Variants in PEX14 observed in about 807,000 individuals in gnomAD.
PEX14 encodes the protein peroxisomal membrane protein PEX14.
In PEX14, 15 loss-of-function variants were observed where a neutral mutation model predicts 49.5. The ratio of observed to expected loss-of-function variants is 0.30; its 90% CI spans 0.20 to 0.47. The LOEUF is 0.47. PEX14 is among the 20% of genes least tolerant of loss of function. The pLI is 1.00. For synonymous variants in PEX14, 210 were observed against 212.7 expected, an observed-to-expected ratio of 0.99 and a Z score of 0.11; for missense variants, 398 against 494.8, an observed-to-expected ratio of 0.80 and a Z score of 1.86.
chr1:10,575,744 A>G (rs1640100863), intron 3 of PEX14, among the ~76,000 whole-genome samples: 1 of 152,216 alleles, frequency 6.6e-6, no homozygotes, highest in Admixed American at 6.5e-5. Flanking sequence ...GGAATTAGAA[A>G]AAAAATGGTG....
At chr1:10,585,722 C>G (rs1179375416) in intron 3 of PEX14, among the ~76,000 whole-genome samples, 1 of 152,198 alleles carries the variant, frequency 6.6e-6, no homozygotes, top group Non-Finnish European at 1.5e-5. Flanking sequence ...GAGTTCAAGA[C>G]CAGCCTGGCC....
At chr1:10,571,046 G>A (rs1163124411) in intron 3 of PEX14, among the ~76,000 whole-genome samples, 1 of 139,902 alleles carries the variant, frequency 7.1e-6, no homozygotes, top group African/African-American at 2.8e-5. Context: ...TTGTAGAGAC[G>A]GGATTTTGCC....
At chr1:10,560,814 T>G (rs1317244923) in intron 3 of PEX14, among the ~76,000 whole-genome samples, 10 of 148,184 alleles carry the variant, frequency 6.7e-5, no homozygotes, top group Non-Finnish European at 8.9e-5. Context: ...GCCTCCCAGG[T>G]TCAAGCAATT....
chr1:10,541,614 G>A (rs1367329533), intron 3 of PEX14, among the ~76,000 whole-genome samples: 1 of 152,208 alleles, frequency 6.6e-6, no homozygotes, highest in Non-Finnish European at 1.5e-5. Flanking sequence ...TGTTGTGAAC[G>A]GACCGTCTTC....
chr1:10,623,271 C>A lies in PEX14; in HGVS notation c.487+150C>A. 1.5e-6 allele frequency: 1 copy of A among 665,924 alleles called. No homozygotes were observed. The highest frequency in any genetic ancestry group is 2.8e-6 in the Non-Finnish European group (1 of 360,504). 41.3% of individuals were successfully genotyped at this position (665,924 alleles called of 1,614,324 possible). A position where few individuals can be genotyped will look rare whatever the true frequency, so the allele number is the denominator to read the frequency against. ...TGTTCACATTTGCAAATGAAGCCGCCGTCATTTCGGTTTAATTTGAAATTG... is the reference window on the plus strand; with the variant it reads ...TGTTCACATTTGCAAATGAAGCCGCAGTCATTTCGGTTTAATTTGAAATTG... On this transcript the variant is annotated intron_variant, in intron 6 of 8. Transcript: ENST00000356607. The surrounding 1 kb of genome is among the most constrained non-coding windows in gnomAD (Gnocchi z 4.4).
At chr1:10,583,497 C>G (rs887105568) in intron 3 of PEX14, among the ~76,000 whole-genome samples, 1 of 150,858 alleles carries the variant, frequency 6.6e-6, no homozygotes, top group Non-Finnish European at 1.5e-5. Flanking sequence ...GCTGAGATTA[C>G]AGGTATTAGC....
intron 3 of PEX14, among the ~76,000 whole-genome samples, chr1:10,591,674 T>C (rs1640672281): frequency 6.6e-6 from 1 of 151,622 alleles, no homozygotes; most frequent in Admixed American, 6.6e-5. Flanking sequence ...TGTGTGTGTG[T>C]GTGGACTTCT....
At chr1:10,587,444 C>CAAATAAAT (rs997618826) in intron 3 of PEX14, among the ~76,000 whole-genome samples, 2 of 151,710 alleles carry the variant, frequency 1.3e-5, no homozygotes, top group African/African-American at 4.9e-5. Context: ...GATTCTGTCT[C>CAAATAAAT]AAATAAATAA....
chr1:10,567,687 G>T (rs534532697), intron 3 of PEX14, among the ~76,000 whole-genome samples: 1 of 152,206 alleles, frequency 6.6e-6, no homozygotes, highest in East Asian at 1.9e-4. Context: ...TAGAGACGGG[G>T]TTTCGCCATG....
intron 5 of PEX14, among the ~76,000 whole-genome samples, chr1:10,622,729 T>A (rs1291615355): frequency 6.6e-6 from 1 of 152,196 alleles, no homozygotes; most frequent in African/African-American, 2.4e-5. Flanking sequence ...TAGTGTAGCA[T>A]CACTAAGAAA....
At chr1:10,538,715 A>T (rs1638912106) in intron 3 of PEX14, among the ~76,000 whole-genome samples, 1 of 152,250 alleles carries the variant, frequency 6.6e-6, no homozygotes. Context: ...GAGGGTGAAC[A>T]TCTACTGGGT....
intron 3 of PEX14, among the ~76,000 whole-genome samples, chr1:10,536,803 A>G (rs971071191): frequency 6.6e-6 from 1 of 152,252 alleles, no homozygotes; most frequent in Non-Finnish European, 1.5e-5. Flanking sequence ...GTATTTCTGT[A>G]AACAGGGATA....
chr1:10,572,686 C>A (rs904325542), intron 3 of PEX14, among the ~76,000 whole-genome samples: 8 of 151,964 alleles, frequency 5.3e-5, no homozygotes, highest in Non-Finnish European at 8.8e-5. Context: ...AGGCGCCCCC[C>A]CCACCACGCC....
intron 3 of PEX14, among the ~76,000 whole-genome samples, chr1:10,574,500 C>T (rs1419667039): frequency 2.0e-5 from 3 of 152,174 alleles, no homozygotes; most frequent in African/African-American, 7.2e-5. Flanking sequence ...CCATGTATAT[C>T]ATCTCAGCTT....
intron 2 of PEX14, among the ~76,000 whole-genome samples, chr1:10,500,472 T>A (rs1415014797): frequency 6.6e-6 from 1 of 151,336 alleles, no homozygotes; most frequent in African/African-American, 2.4e-5. Context: ...CCTGGCACAG[T>A]CTCCTCAGCA....
intron 1 of PEX14, among the ~76,000 whole-genome samples, chr1:10,485,533 G>A (rs587916): frequency 0.75 from 112,604 of 150,798 alleles, 42,591 homozygotes; most frequent in African/African-American, 0.86. Context: ...TGCGCAGGCT[G>A]GTCTTGAACT....
intron 4 of PEX14, among the ~76,000 whole-genome samples, chr1:10,601,814 T>A (rs550712688): frequency 6.6e-6 from 1 of 152,346 alleles, no homozygotes; most frequent in East Asian, 1.9e-4. Flanking sequence ...CTCCACACTT[T>A]TTCTTTAGTT....
At chr1:10,485,429 G>A (rs1042423963) in intron 1 of PEX14, among the ~76,000 whole-genome samples, 1 of 148,558 alleles carries the variant, frequency 6.7e-6, no homozygotes, top group African/African-American at 2.5e-5. Flanking sequence ...TGATCCTCCA[G>A]CCTCAGCCTC....
chr1:10,615,115 G>A (rs1641376358), intron 4 of PEX14, among the ~76,000 whole-genome samples: 1 of 152,162 alleles, frequency 6.6e-6, no homozygotes, highest in East Asian at 1.9e-4. Context: ...GAGTGTCACT[G>A]CACAGCCTGG....
Sources: allele counts gnomAD v4.1 joint callset (sites outside exome capture counted in the v4.1 genomes callset), GRCh38; gene constraint gnomAD v4.1.1; non-coding constraint Gnocchi (gnomAD v3.1); transcripts MANE v1.5; gene names NCBI Gene and HGNC (gene_info 2026-07-23, HGNC 2026-07-21).